Variants in C4orf50 observed in about 807,000 individuals in gnomAD.
The protein encoded by C4orf50 is chromosome 4 open reading frame 50.
In C4orf50, 80 loss-of-function variants were observed where a neutral mutation model predicts 77.2. The ratio of observed to expected loss-of-function variants is 1.04; its 90% CI spans 0.87 to 1.25. The LOEUF (loss-of-function observed/expected upper bound fraction) is 1.25, where lower values mean the gene tolerates loss of function less well. C4orf50 is among the 50% of genes most tolerant of loss of function. The pLI, the probability that C4orf50 is intolerant of heterozygous loss-of-function variation, is 0.00. For synonymous variants in C4orf50, 532 were observed against 465.3 expected (o/e 1.14, Z -1.84); for missense variants, 1,257 against 1,152.9 (o/e 1.09, Z -1.31).
intron 7 of C4orf50, among the ~76,000 whole-genome samples, chr4:5,910,164 T>C (rs188139790): frequency 7.9e-5 from 12 of 152,334 alleles, no homozygotes; most frequent in African/African-American, 2.9e-4. Context: ...TCAGGATCCA[T>C]GCTCTTGAGC....
chr4:5,902,337 T>C (rs979972528), intron 7 of C4orf50: 39 of 152,168 alleles, frequency 2.6e-4, no homozygotes, highest in African/African-American at 9.2e-4. Context: ...CACTAAACAA[T>C]GGAAGAGTTT....
intron 7 of C4orf50, among the ~76,000 whole-genome samples, chr4:5,915,434 A>C (rs1179705577): frequency 6.6e-6 from 1 of 152,222 alleles, no homozygotes; most frequent in African/African-American, 2.4e-5. Context: ...CCTAGACTAG[A>C]GCTTGGAAAG....
chr4:6,008,402 C>A lies in C4orf50; in HGVS notation c.557G>T (p.Arg186Leu). The A allele has an allele frequency of 2.5e-6, 1 of 394,258 alleles. No homozygotes were observed. The highest frequency in any genetic ancestry group is 4.5e-6 in the Non-Finnish European group (1 of 223,296). The allele number at this position is 394,258 out of a possible 1,614,324, so 24.4% of individuals were successfully genotyped here. A position where few individuals can be genotyped will look rare whatever the true frequency, so the allele number is the denominator to read the frequency against. Residue 186 changes from arginine (R) to leucine (L), a missense_variant, in exon 25 of 34, where the codon CGC becomes CTC. By Grantham distance (102) the Arg-to-Leu change is moderately radical. Transcript: ENST00000531445. The surrounding 1 kb of genome is among the most constrained non-coding windows in gnomAD (Gnocchi z 6.0). Reference sequence around the variant, plus strand: ...CTGCTCCCGCACCAGGCCCAGCTGGCGCCGCTGGGTCCGCCGGCAGCGCTC... The same window carrying A: ...CTGCTCCCGCACCAGGCCCAGCTGGAGCCGCTGGGTCCGCCGGCAGCGCTC...
chr4:5,998,655 G>A (rs1390955915), intron 25 of C4orf50, among the ~76,000 whole-genome samples: 1 of 152,196 alleles, frequency 6.6e-6, no homozygotes, highest in Non-Finnish European at 1.5e-5. Flanking sequence ...CTCTCTGCAC[G>A]AGCATCTCTG....
intron 25 of C4orf50, among the ~76,000 whole-genome samples, chr4:6,004,342 GTGATGATGACGGTGA>G (rs2108805506): frequency 1.6e-5 from 2 of 127,574 alleles, no homozygotes; most frequent in African/African-American, 6.3e-5. Flanking sequence ...GATGGTGATG[GTGATGATGACGGTGA>G]TGGTGATGAT....
intron 7 of C4orf50, among the ~76,000 whole-genome samples, chr4:5,930,713 A>T (rs1214423198): frequency 2.0e-5 from 3 of 151,988 alleles, no homozygotes; most frequent in African/African-American, 7.2e-5. Flanking sequence ...ATCCCCCTCC[A>T]TGAGTGAACA....
chr4:5,927,223 G>T (rs911420171), intron 7 of C4orf50, among the ~76,000 whole-genome samples: 2 of 152,112 alleles, frequency 1.3e-5, no homozygotes, highest in Admixed American at 1.3e-4. Flanking sequence ...GGGCTCAGAA[G>T]CAGGTCTTAT....
chr4:5,962,320 C>T lies in C4orf50; in HGVS notation c.4276-2694G>A, dbSNP rs112322967. Among the ~76,000 whole-genome samples the T allele has an allele frequency of 2.9e-3, 436 of 152,336 alleles. 1 individual carries two copies. Among genetic ancestry groups the T allele is most frequent in the African/African-American group, 9.8e-3 (409 of 41,574 alleles). The stretch of plus-strand genomic sequence containing the variant: ...TTCCAACAGAGGAAAGGTTTCCAGT[C>T]CAGTGACCTTCTGTGTTTTTAGTGA... On this transcript the variant is annotated intron_variant, in intron 33 of 33. Transcript: ENST00000531445.
In C4orf50 at chr4:5,922,830, A is replaced by G. The variant is rs562697115; in HGVS notation, c.*2475-24642T>C. ...CCAGCCTCCTGGCTCCAAGTAACAC[A>G]CAACTCATGGTCTCCTCATTAGCTC... is the stretch of plus-strand genomic sequence containing the variant. On this transcript the variant is annotated intron_variant, in intron 7 of 7. Transcript: ENST00000324058. 7.2e-5 allele frequency among the ~76,000 whole-genome samples: 11 copies of G among 152,328 alleles called. No individual in the cohort carries two copies. The South Asian group carries it at 1.7e-3, about 23-fold the overall frequency.
rs917513952 is a variant in C4orf50 at position 6,000,840 on chromosome 4, G to T, written c.964-6364C>A. Among the ~76,000 whole-genome samples, 4 of 152,086 alleles carry T rather than the reference G, an allele frequency of 2.6e-5. No individual in the cohort carries two copies. Among genetic ancestry groups the T allele is most frequent in the Non-Finnish European group, 5.9e-5 (4 of 68,034 alleles). ...TCAGCTCACCAAAGGGCAAATCCTGGTCCCACCATATTACCGTCTGAATTT... is the reference window on the plus strand; with the variant it reads ...TCAGCTCACCAAAGGGCAAATCCTGTTCCCACCATATTACCGTCTGAATTT... On this transcript the variant is annotated intron_variant, in intron 25 of 33. Coordinates refer to ENST00000531445, the Ensembl canonical transcript of C4orf50. This position sits in a 1 kb window ranked among gnomAD's most constrained non-coding sequence, Gnocchi z 6.0.
At chr4:5,974,665 G>A (rs911432925) in intron 30 of C4orf50, among the ~76,000 whole-genome samples, 1 of 152,178 alleles carries the variant, frequency 6.6e-6, no homozygotes, top group African/African-American at 2.4e-5. Context: ...GAGAGAAAGA[G>A]CAGAGCCCCC....
At chr4:5,939,558 C>T (rs934380017) in intron 7 of C4orf50, among the ~76,000 whole-genome samples, 13 of 152,216 alleles carry the variant, frequency 8.5e-5, no homozygotes, top group Non-Finnish European at 1.8e-4. Context: ...TTCTGGACAT[C>T]TAGACTATGG....
At chr4:5,997,184 G>A (rs73196048) in intron 25 of C4orf50, among the ~76,000 whole-genome samples, 9,846 of 152,258 alleles carry the variant, frequency 0.065, 339 homozygotes, top group African/African-American at 0.076. Context: ...AGACCACTCC[G>A]TAGCGCAGAA....
chr4:5,924,157 C>A (rs936085187), intron 7 of C4orf50, among the ~76,000 whole-genome samples: 5 of 152,166 alleles, frequency 3.3e-5, no homozygotes, highest in African/African-American at 1.2e-4. Flanking sequence ...CCTGGCTCCT[C>A]AGTTTGTAGA....
At chr4:5,959,481 G>A in exon 34 of C4orf50, 4 of 1,614,232 alleles carry the variant, frequency 2.5e-6, no homozygotes, top group Non-Finnish European at 3.4e-6. Context: ...CAGGAGCTCA[G>A]AGGGTGCTGG....
intron 7 of C4orf50, among the ~76,000 whole-genome samples, chr4:5,909,837 T>C (rs1716721844): frequency 6.6e-6 from 1 of 152,218 alleles, no homozygotes; most frequent in African/African-American, 2.4e-5. Context: ...TCTGTCTCTG[T>C]GTTCTCTATT....
At chr4:5,991,034 A>T (rs1309821092) in intron 27 of C4orf50, among the ~76,000 whole-genome samples, 1 of 152,152 alleles carries the variant, frequency 6.6e-6, no homozygotes, top group African/African-American at 2.4e-5. Context: ...AGATGCCCTC[A>T]TGGCTCACTC....
At chr4:5,913,513 T>C (rs145909533) in intron 7 of C4orf50, among the ~76,000 whole-genome samples, 18 of 152,308 alleles carry the variant, frequency 1.2e-4, no homozygotes, top group African/African-American at 4.1e-4. Context: ...GAATGGAAAA[T>C]ATAGATGAGA....
At chr4:5,980,150 G>A in intron 29 of C4orf50, 24 bp downstream of exon 7, 2 of 1,548,754 alleles carry the variant, frequency 1.3e-6, no homozygotes, top group Admixed American at 2.1e-5. Flanking sequence ...GCTGACAAGA[G>A]GGGAAAGAAA....
Sources: allele counts gnomAD v4.1 joint callset (sites outside exome capture counted in the v4.1 genomes callset), GRCh38; gene constraint gnomAD v4.1.1; non-coding constraint Gnocchi (gnomAD v3.1); transcripts MANE v1.5; gene names NCBI Gene and HGNC (gene_info 2026-07-23, HGNC 2026-07-21).